KCNH1: variants seen among roughly 807,000 people sequenced by gnomAD.
KCNH1 encodes the protein voltage-gated delayed rectifier potassium channel KCNH1.
Under a neutral mutation model 69.2 loss-of-function variants are expected in KCNH1, and 27 were observed. That is an observed-to-expected ratio of 0.39 (90% CI 0.29 to 0.54). The LOEUF (loss-of-function observed/expected upper bound fraction) is 0.54. Among genes scored for constraint, KCNH1 ranks in the 20% least tolerant of loss-of-function variants. KCNH1 has a pLI of 0.68. For synonymous variants in KCNH1, 456 were observed against 487.7 expected (o/e 0.93, Z 0.86); for missense variants, 798 against 1,261.6 (o/e 0.63, Z 5.57).
intron 7 of KCNH1, chr1:210,859,708 T>G: frequency 1.6e-6 from 2 of 1,226,930 alleles, no homozygotes; most frequent in Non-Finnish European, 2.4e-6. Context: ...TGGCAAAATC[T>G]GTCCAGAAAC....
chr1:210,922,631 G>C (rs986956973), intron 6 of KCNH1, among the ~76,000 whole-genome samples: 21 of 151,834 alleles, frequency 1.4e-4, no homozygotes, highest in African/African-American at 4.8e-4. Context: ...TTCCCTACCT[G>C]TGTTTTTCTC....
intron 7 of KCNH1, among the ~76,000 whole-genome samples, chr1:210,826,961 G>A (rs1215920505): frequency 1.3e-5 from 2 of 152,216 alleles, no homozygotes; most frequent in Admixed American, 6.5e-5. Flanking sequence ...CACGTTCACC[G>A]TCAAAGCCCT....
At chr1:210,786,468 C>G (rs539459470) in intron 9 of KCNH1, among the ~76,000 whole-genome samples, 1 of 152,272 alleles carries the variant, frequency 6.6e-6, no homozygotes, top group South Asian at 2.1e-4. Flanking sequence ...TGTTATATCC[C>G]TCTCTCCTGG....
intron 6 of KCNH1, among the ~76,000 whole-genome samples, chr1:210,985,117 A>C (rs1688803263): frequency 6.6e-6 from 1 of 151,944 alleles, no homozygotes; most frequent in African/African-American, 2.4e-5. Context: ...TTTCTGTGGG[A>C]TCGGTGGTGA....
At chr1:210,944,992 T>C (rs928430892) in intron 6 of KCNH1, among the ~76,000 whole-genome samples, 3 of 152,234 alleles carry the variant, frequency 2.0e-5, no homozygotes, top group African/African-American at 7.2e-5. Context: ...TAGAAACCTA[T>C]ATAAGTGGAA....
At chr1:211,030,719 C>G (rs1436086642) in intron 5 of KCNH1, among the ~76,000 whole-genome samples, 1 of 151,912 alleles carries the variant, frequency 6.6e-6, no homozygotes, top group Non-Finnish European at 1.5e-5. Flanking sequence ...AGATTTGACA[C>G]CAAAAGCATA....
chr1:210,769,050 C>A (rs1393902182), intron 10 of KCNH1, among the ~76,000 whole-genome samples: 1 of 152,152 alleles, frequency 6.6e-6, no homozygotes, highest in Non-Finnish European at 1.5e-5. Context: ...ATCTTTTTGG[C>A]TTGACAGACT....
At chr1:211,050,814 G>A (rs1032871022) in intron 5 of KCNH1, among the ~76,000 whole-genome samples, 6 of 152,122 alleles carry the variant, frequency 3.9e-5, no homozygotes, top group Admixed American at 6.5e-5. Context: ...AGGAGTTAAT[G>A]TGAAAAGAAA....
intron 6 of KCNH1, among the ~76,000 whole-genome samples, chr1:211,014,051 G>T (rs780107007): frequency 6.6e-6 from 1 of 152,218 alleles, no homozygotes; most frequent in African/African-American, 2.4e-5. Flanking sequence ...CTAGCTGGTT[G>T]TGCTGCTGTC....
At chr1:211,013,723 G>C (rs1197752290) in intron 6 of KCNH1, among the ~76,000 whole-genome samples, 1 of 152,184 alleles carries the variant, frequency 6.6e-6, no homozygotes, top group Admixed American at 6.5e-5. Context: ...GTTAGAGCTG[G>C]GATGGGCTCA....
intron 6 of KCNH1, among the ~76,000 whole-genome samples, chr1:210,946,864 A>T (rs1198563153): frequency 6.6e-6 from 1 of 151,826 alleles, no homozygotes. Flanking sequence ...TCTGCTTTTC[A>T]CCTAGCCAAG....
At chr1:210,744,749 T>A (rs1256613334) in intron 10 of KCNH1, among the ~76,000 whole-genome samples, 1 of 152,144 alleles carries the variant, frequency 6.6e-6, no homozygotes, top group Non-Finnish European at 1.5e-5. Flanking sequence ...TTTACCTTTT[T>A]AATGAGGAAC....
At chr1:210,883,794 A>C (rs1182067711) in intron 7 of KCNH1, among the ~76,000 whole-genome samples, 1 of 152,218 alleles carries the variant, frequency 6.6e-6, no homozygotes, top group Non-Finnish European at 1.5e-5. Context: ...TGGAGGTTGA[A>C]CTGTCCAGGA....
rs568983567 is a variant in KCNH1 at position 210,861,823 on chromosome 1, A to G, written c.1463-57657T>C. On this transcript the variant is annotated intron_variant, in intron 7 of 10. Transcript: ENST00000271751. Reference sequence around the variant, plus strand: ...TAGTTTTTTATACTCATAAGTTTTCACAAGCTGATAAAGGCAAATAATTCC... The same window carrying G: ...TAGTTTTTTATACTCATAAGTTTTCGCAAGCTGATAAAGGCAAATAATTCC... 7.9e-6 allele frequency: 6 copies of G among 759,862 alleles called. No homozygotes were observed. In the Admixed American group the frequency reaches 1.1e-4, roughly 14 times the overall value. The allele number at this position is 759,862 out of a possible 1,614,324, so 47.1% of individuals were successfully genotyped here.
chr1:211,112,162 C>A (rs1247256427), intron 1 of KCNH1, among the ~76,000 whole-genome samples: 2 of 119,422 alleles, frequency 1.7e-5, no homozygotes, highest in East Asian at 5.8e-4. Context: ...CCCGCCACTG[C>A]ACCGTCTGGG....
At chr1:210,956,225 A>C (rs1272728196) in intron 6 of KCNH1, among the ~76,000 whole-genome samples, 5 of 152,184 alleles carry the variant, frequency 3.3e-5, no homozygotes, top group African/African-American at 1.2e-4. Flanking sequence ...GAGTATGTTG[A>C]ATAAGACTTG....
intron 6 of KCNH1, among the ~76,000 whole-genome samples, chr1:211,015,436 G>C (rs1558568602): frequency 6.6e-6 from 1 of 152,124 alleles, no homozygotes; most frequent in Non-Finnish European, 1.5e-5. Context: ...TAAGAAGGTT[G>C]AACTATAAGA....
intron 6 of KCNH1, among the ~76,000 whole-genome samples, chr1:211,000,091 G>C (rs1689143706): frequency 2.0e-5 from 3 of 152,146 alleles, no homozygotes; most frequent in Non-Finnish European, 2.9e-5. Flanking sequence ...CATTCCCTTT[G>C]AAAACTGGCA....
chr1:210,909,840 C>A (rs1388291280), intron 7 of KCNH1, among the ~76,000 whole-genome samples: 1 of 152,200 alleles, frequency 6.6e-6, no homozygotes, highest in Non-Finnish European at 1.5e-5. Flanking sequence ...TTGATGCCAA[C>A]AAGCTGACCA....
Sources: allele counts gnomAD v4.1 joint callset (sites outside exome capture counted in the v4.1 genomes callset), GRCh38; gene constraint gnomAD v4.1.1; transcripts MANE v1.5; gene names NCBI Gene and HGNC (gene_info 2026-07-23, HGNC 2026-07-21).